Variants in RNF168 observed in about 807,000 individuals in gnomAD.
RNF168 encodes the protein ring finger protein 168.
RNF168 carries 34 observed loss-of-function variants against 34.9 expected under a neutral mutation model. The ratio of observed to expected loss-of-function variants is 0.97; its 90% CI spans 0.74 to 1.30. RNF168 has a LOEUF of 1.30. Ranked by LOEUF, RNF168 falls within the 50% of genes most tolerant of loss-of-function variation. The pLI is 0.00. For missense variants in RNF168, 725 were observed against 682.5 expected, an observed-to-expected ratio of 1.06 and a Z score of -0.69; for synonymous variants, 264 against 254.7, an observed-to-expected ratio of 1.04 and a Z score of -0.35.
chr3:196,488,963 TGCCTCA>T (rs139737038), intron 1 of RNF168, among the ~76,000 whole-genome samples: 4,444 of 152,224 alleles, frequency 0.029, 196 homozygotes, highest in African/African-American at 0.1. Context: ...GCGATTCTCC[TGCCTCA>T]GCCTTCTCCT....
chr3:196,472,103 C>G lies in RNF168; in HGVS notation c.1432G>C (p.Ala478Pro). The change falls in exon 6 of 6, where the codon GCT (alanine) becomes CCT (proline). Residue 478 changes from alanine to proline, a missense_variant. Transcript: ENST00000318037. ...ACTTTGTCTGGAGGGGAGGATGTAGCGCGTAAGTGATACTCATCTGGGGAT... is the reference window on the plus strand; with the variant it reads ...ACTTTGTCTGGAGGGGAGGATGTAGGGCGTAAGTGATACTCATCTGGGGAT... Reference protein sequence around the residue: ...KGSPDEYHLRATSSPPDKVLN... With the variant: ...KGSPDEYHLRPTSSPPDKVLN... The G allele has an allele frequency of 6.2e-7, 1 of 1,613,558 alleles. No homozygotes were observed. Among genetic ancestry groups the G allele is most frequent in the Non-Finnish European group, 8.5e-7 (1 of 1,179,770 alleles).
intron 1 of RNF168, among the ~76,000 whole-genome samples, chr3:196,491,578 G>A (rs534503376): frequency 3.9e-5 from 6 of 152,000 alleles, no homozygotes; most frequent in South Asian, 2.1e-4. Context: ...CCCGGGAGGC[G>A]GAGCTTGCAG....
intron 3 of RNF168, among the ~76,000 whole-genome samples, chr3:196,485,749 C>A (rs967734815): frequency 2.6e-5 from 4 of 151,592 alleles, no homozygotes; most frequent in African/African-American, 7.3e-5. Context: ...CCCAATTCTG[C>A]GTATACTCAT....
At chr3:196,501,051 AT>A (rs1198027089) in intron 1 of RNF168, among the ~76,000 whole-genome samples, 1 of 152,216 alleles carries the variant, frequency 6.6e-6, no homozygotes, top group East Asian at 1.9e-4. Context: ...ACCAGTTCAC[AT>A]GTACTAGCAT....
rs770801829 is a variant in RNF168 at position 196,472,652 on chromosome 3, C to G, written c.883G>C (p.Glu295Gln). ...VGEQGADSSIESPMPWLCACG... is the reference protein window; with the variant it reads ...VGEQGADSSIQSPMPWLCACG... The stretch of plus-strand genomic sequence containing the variant: ...GCACATAACCATGGCATAGGGGACT[C>G]TATTGAAGAATCTGCACCTTGTTCT... The change falls in exon 6 of 6, where the codon GAG (glutamate) becomes CAG (glutamine). Residue 295 changes from glutamate to glutamine, a missense_variant. Physicochemically the swap from Glu to Gln is conservative, Grantham distance 29. Transcript: ENST00000318037. 1 of 1,609,296 alleles carries G rather than the reference C, an allele frequency of 6.2e-7. No individual in the cohort carries two copies. Among genetic ancestry groups the G allele is most frequent in the South Asian group, 1.1e-5 (1 of 90,976 alleles).
rs1158102448 is a variant in RNF168 at position 196,472,365 on chromosome 3, G to T, written c.1170C>A (p.Asn390Lys). The T allele has an allele frequency of 1.2e-6, 2 of 1,613,844 alleles. No individual in the cohort carries two copies. Among genetic ancestry groups the T allele is most frequent in the African/African-American group, 1.3e-5 (1 of 74,874 alleles). Residue 390 changes from asparagine to lysine, a missense_variant, in exon 6 of 6, where the codon AAC (asparagine) becomes AAA (lysine). Transcript: ENST00000318037. Reference sequence around the variant, plus strand: ...TGACTGCTTCAAAGGAAGATTCTTGGTTTTTTCTTTTGGAAATCTCCTTAC... The same window carrying T: ...TGACTGCTTCAAAGGAAGATTCTTGTTTTTTTCTTTTGGAAATCTCCTTAC... ...LISKEISKRK[N>K]QESSFEAVKD... is the part of the protein sequence containing the mutation.
At chr3:196,484,143 G>C (rs1381539861) in intron 3 of RNF168, among the ~76,000 whole-genome samples, 1 of 149,154 alleles carries the variant, frequency 6.7e-6, no homozygotes, top group African/African-American at 2.5e-5. Flanking sequence ...AACCTCATTA[G>C]CTGATAATTC....
chr3:196,485,984 T>C (rs536988117), intron 3 of RNF168, among the ~76,000 whole-genome samples: 1 of 152,162 alleles, frequency 6.6e-6, no homozygotes, highest in Non-Finnish European at 1.5e-5. Flanking sequence ...ATATGAGAGT[T>C]TGTATTTCAA....
Position 196,472,613 on chromosome 3 carries a change from A to AT in RNF168, c.921dup (p.Trp308MetfsTer4), listed in dbSNP as rs1171847491. The AT allele has an allele frequency of 6.2e-7, 1 of 1,614,084 alleles. No homozygotes were observed. Among genetic ancestry groups the AT allele is most frequent in the South Asian group, 1.1e-5 (1 of 91,086 alleles). On this transcript the variant is annotated frameshift_variant, in exon 6 of 6. Transcript: ENST00000318037. LOFTEE classifies it low-confidence loss of function (END_TRUNC). ...GTTTTGACGTTTCCTTCATGGTACC[A>AT]TTCGGCACCACAGGCACATAACCAT...
chr3:196,502,464 T>A (rs1432585185), intron 1 of RNF168, among the ~76,000 whole-genome samples: 1 of 151,712 alleles, frequency 6.6e-6, no homozygotes, highest in Admixed American at 6.6e-5. Flanking sequence ...GGTGCACGCG[T>A]GTAACCCCAG....
intron 1 of RNF168, 60 bp downstream of exon 1, chr3:196,502,813 T>G (rs1175042122): frequency 1.8e-5 from 26 of 1,409,374 alleles, no homozygotes; most frequent in Middle Eastern, 3.5e-4. Flanking sequence ...GGAAAAGTGA[T>G]GATTCACCTT....
chr3:196,472,262 A>G lies in RNF168; in HGVS notation c.1273T>C (p.Phe425Leu). The G allele has an allele frequency of 6.2e-7, 1 of 1,614,024 alleles. No homozygotes were observed. The highest frequency in any genetic ancestry group is 8.5e-7 in the Non-Finnish European group (1 of 1,179,976). The change falls in exon 6 of 6, where the codon TTT becomes CTT. Residue 425 changes from phenylalanine to leucine, a missense_variant. Phe to Leu is a conservative substitution (Grantham distance 22, BLOSUM62 0). Coordinates refer to ENST00000318037, the MANE Select transcript of RNF168 (RefSeq NM_152617.4). ...SPDQEETEINFTQKLIDLEHL... is the reference protein window; with the variant it reads ...SPDQEETEINLTQKLIDLEHL... Reference sequence around the variant, plus strand: ...TCCAAATCTATCAGTTTTTGGGTAAAGTTTATTTCTGTTTCCTCTTGATCT... The same window carrying G: ...TCCAAATCTATCAGTTTTTGGGTAAGGTTTATTTCTGTTTCCTCTTGATCT...
intron 4 of RNF168, among the ~76,000 whole-genome samples, chr3:196,477,914 A>G (rs1195903214): frequency 2.0e-5 from 3 of 152,008 alleles, no homozygotes; most frequent in Non-Finnish European, 2.9e-5. Flanking sequence ...ACCCATCTCT[A>G]CAAAAAATTA....
chr3:196,497,243 A>G (rs1732764275), intron 1 of RNF168, among the ~76,000 whole-genome samples: 1 of 152,198 alleles, frequency 6.6e-6, no homozygotes, highest in African/African-American at 2.4e-5. Flanking sequence ...ATAGACCCAC[A>G]TTATTTTTTT....
At chr3:196,479,242 A>AC (rs1172914065) in intron 4 of RNF168, among the ~76,000 whole-genome samples, 2 of 149,112 alleles carry the variant, frequency 1.3e-5, no homozygotes, top group Non-Finnish European at 3.0e-5. Context: ...TGAACTCCTG[A>AC]CCTCAGGTGA....
intron 1 of RNF168, among the ~76,000 whole-genome samples, chr3:196,492,958 G>A (rs1279405734): frequency 2.0e-5 from 3 of 149,936 alleles, no homozygotes; most frequent in Non-Finnish European, 4.4e-5. Context: ...TACAATACTC[G>A]AATTCAAGGT....
intron 1 of RNF168, among the ~76,000 whole-genome samples, chr3:196,493,851 ATTTAT>A (rs1560274836): frequency 7.3e-6 from 1 of 137,808 alleles, no homozygotes; most frequent in Non-Finnish European, 1.5e-5. Context: ...CTTTTTTTAA[ATTTAT>A]TTTTTTTTTT....
chr3:196,502,054 GAAAAAAAAAAAAAAA>G (rs554041803), intron 1 of RNF168, among the ~76,000 whole-genome samples: 33 of 50,052 alleles, frequency 6.6e-4, no homozygotes, highest in South Asian at 3.8e-3. Context: ...AAAAAAATTA[GAAAAAAAAAAAAAAA>G]AAAAAAAAAA....
At chr3:196,477,062 C>T (rs1167480593) in intron 4 of RNF168, among the ~76,000 whole-genome samples, 1 of 152,150 alleles carries the variant, frequency 6.6e-6, no homozygotes, top group Non-Finnish European at 1.5e-5. Flanking sequence ...CTTTACATTT[C>T]TAAGAATCTT....
Sources: gnomAD v4.1 joint callset for allele counts (sites outside exome capture counted in the v4.1 genomes callset) on GRCh38, gnomAD v4.1.1 for gene constraint, MANE v1.5 for transcripts, NCBI Gene and HGNC (gene_info 2026-07-23, HGNC 2026-07-21) for gene names.